The following ZNF862 variants were observed in gnomAD, a reference collection of about 807,000 sequenced individuals.
ZNF862 encodes the protein zinc finger protein 862.
In ZNF862, 64 loss-of-function variants were observed where a neutral mutation model predicts 91.1. The observed-to-expected ratio is 0.70, with a 90% CI of 0.57 to 0.87. ZNF862 has a LOEUF of 0.87. Among genes scored for constraint, ZNF862 ranks in the 40% least tolerant of loss-of-function variants. The pLI, the probability that ZNF862 is intolerant of heterozygous loss-of-function variation, is 0.00. For synonymous variants in ZNF862, 631 were observed against 618.1 expected (o/e 1.02, Z -0.31); for missense variants, 1,459 against 1,528.0 (o/e 0.95, Z 0.75).
In ZNF862 at chr7:149,859,531, G is replaced by A. The variant is rs367727793; in HGVS notation, c.1222+5G>A. 1 of 1,560,276 alleles carries A rather than the reference G, an allele frequency of 6.4e-7. No homozygotes were observed. The highest frequency in any genetic ancestry group is 8.7e-7 in the Non-Finnish European group (1 of 1,151,316). On this transcript the variant is annotated splice_donor_5th_base_variant and intron_variant, in intron 6 of 7. Transcript: ENST00000223210. Reference sequence around the variant, plus strand: ...GGGGGAAAGGTCGTCCTCCAGGTGAGTGTAAACCTACAGCATTCTGAAGGA... The same window carrying A: ...GGGGGAAAGGTCGTCCTCCAGGTGAATGTAAACCTACAGCATTCTGAAGGA...
chr7:149,850,408 C>T lies in ZNF862; in HGVS notation c.1117+70C>T, dbSNP rs1802030073. On this transcript the variant is annotated intron_variant, in intron 5 of 7. Coordinates refer to ENST00000223210, the MANE Select transcript of ZNF862 (RefSeq NM_001099220.3). This position sits in a 1 kb window ranked among gnomAD's most constrained non-coding sequence, Gnocchi z 4.2. ...GGGAAGCCCACAAGGGGAGCTGTGG[C>T]TTGTGGTTATCTTCCCATTCCTGCC... The T allele has an allele frequency of 1.3e-6, 2 of 1,497,384 alleles. No homozygotes were observed. Among genetic ancestry groups the T allele is most frequent in the African/African-American group, 1.4e-5 (1 of 72,562 alleles). 92.8% of individuals were successfully genotyped at this position (1,497,384 alleles called of 1,614,324 possible).
At chr7:149,846,849 A>G (rs771013102) in intron 3 of ZNF862, among the ~76,000 whole-genome samples, 2 of 152,242 alleles carry the variant, frequency 1.3e-5, no homozygotes, top group African/African-American at 2.4e-5. Context: ...AAAGAGCTCT[A>G]GACAGCTTTG....
intron 7 of ZNF862, 122 bp downstream of exon 7, chr7:149,862,616 G>C: frequency 9.0e-7 from 1 of 1,116,726 alleles, no homozygotes; most frequent in Non-Finnish European, 1.2e-6. Context: ...AGGCCAGTGG[G>C]TACTCGATGC....
chr7:149,861,917 G>C lies in ZNF862; in HGVS notation c.2757G>C (p.Ala919=). 1 of 1,613,710 alleles carries C rather than the reference G, an allele frequency of 6.2e-7. No homozygotes were observed. The highest frequency in any genetic ancestry group is 8.5e-7 in the Non-Finnish European group (1 of 1,179,878). ...KLEVAEQRFQ[A]DRERTVLTGI... The stretch of plus-strand genomic sequence containing the variant: ...AGGTAGCGGAACAGCGGTTCCAGGC[G>C]GATAGGGAGAGGACAGTCCTGACGG... Residue 919 remains alanine, a synonymous_variant, in exon 7 of 8, where the codon GCG becomes GCC. Transcript: ENST00000223210. This position sits in a 1 kb window ranked among gnomAD's most constrained non-coding sequence, Gnocchi z 6.7.
rs966598587 is a variant in ZNF862 at position 149,857,885 on chromosome 7, T to C, written c.1118-1537T>C. 3.3e-5 allele frequency among the ~76,000 whole-genome samples: 5 copies of C among 152,174 alleles called. No individual in the cohort carries two copies. In the East Asian group the frequency reaches 5.8e-4, roughly 18 times the overall value. ...GTCGAGCAGTGCACCCCTTGGTCCATAGACATGACTCGATCTCCCTGCTTT... is the reference window on the plus strand; with the variant it reads ...GTCGAGCAGTGCACCCCTTGGTCCACAGACATGACTCGATCTCCCTGCTTT... On this transcript the variant is annotated intron_variant, in intron 5 of 7. Coordinates refer to ENST00000223210, the MANE Select transcript of ZNF862 (RefSeq NM_001099220.3).
Position 149,848,101 on chromosome 7 carries a change from T to G in ZNF862, c.608T>G (p.Val203Gly), listed in dbSNP as rs1301262378. 1.2e-6 allele frequency: 2 copies of G among 1,614,072 alleles called. No individual in the cohort carries two copies. Among genetic ancestry groups the G allele is most frequent in the South Asian group, 2.2e-5 (2 of 91,090 alleles). ...AAGAGCAAGGCCCACATGTTCTGTG[T>G]CAATGCCTTGGCAGCGAGGGACCCC... ...HAKSKAHMFC[V>G]NALAARDPIW... Residue 203 changes from valine to glycine, a missense_variant, in exon 4 of 8, where the codon GTC becomes GGC. By Grantham distance (109) the Val-to-Gly change is moderately radical. Transcript: ENST00000223210.
At chr7:149,841,825 A>G (rs1482809195) in intron 1 of ZNF862, 1 of 908,370 alleles carries the variant, frequency 1.1e-6, no homozygotes, top group Non-Finnish European at 1.3e-6. Flanking sequence ...TATTGCACTT[A>G]TATCTTAGTT....
chr7:149,850,104 T>C lies in ZNF862; in HGVS notation c.940-57T>C. Reference sequence around the variant, plus strand: ...AGGGCTTCCAAAGGCCCCAGAAGTGTCACGTGGGAGTCTGGCTCGGCAGGC... The same window carrying C: ...AGGGCTTCCAAAGGCCCCAGAAGTGCCACGTGGGAGTCTGGCTCGGCAGGC... On this transcript the variant is annotated intron_variant, in intron 4 of 7. Coordinates refer to ENST00000223210, the MANE Select transcript of ZNF862 (RefSeq NM_001099220.3). The surrounding 1 kb of genome is among the most constrained non-coding windows in gnomAD (Gnocchi z 4.2). 6.5e-7 allele frequency: 1 copy of C among 1,541,722 alleles called. No individual in the cohort carries two copies. The highest frequency in any genetic ancestry group is 1.2e-5 in the South Asian group (1 of 83,716).
chr7:149,861,701 C>T lies in ZNF862; in HGVS notation c.2541C>T (p.Phe847=). ...AGTTCTGCCACTTCCTGTTGGACTT[C>T]CTGAGCATCTACAGGCCTCTGTCCG... The part of the protein sequence containing the change: ...FVKFCHFLLD[F]LSIYRPLSEV... The change falls in exon 7 of 8, where the codon TTC becomes TTT. Residue 847 remains phenylalanine (F), a synonymous_variant. Transcript: ENST00000223210. The surrounding 1 kb of genome is among the most constrained non-coding windows in gnomAD (Gnocchi z 6.7). 23 of 1,613,098 alleles carry T rather than the reference C, an allele frequency of 1.4e-5. No individual in the cohort carries two copies. Among genetic ancestry groups the T allele is most frequent in the Non-Finnish European group, 1.9e-5 (23 of 1,179,694 alleles).
intron 3 of ZNF862, 131 bp from the exon 4 acceptor site, chr7:149,847,595 GTGTGTGTGT>G (rs1563117833): frequency 4.6e-3 from 14 of 3,028 alleles, no homozygotes; most frequent in East Asian, 0.04. Flanking sequence ...AAATTCAGGT[GTGTGTGTGT>G]GTGTGTGTGT....
At position 149,866,682 on chromosome 7, in the gene ZNF862, T is replaced by A. The variant is rs1460081557; in HGVS notation, c.*2398T>A. On this transcript the variant is annotated 3_prime_UTR_variant, in exon 8 of 8. Coordinates refer to ENST00000223210, the MANE Select transcript of ZNF862 (RefSeq NM_001099220.3). ...TGCAGCGGGGCCACTGAGAATGCTG[T>A]TTGTCATAAAATTTGCACTACCCGA... is the stretch of plus-strand genomic sequence containing the variant. The A allele has an allele frequency of 1.3e-5, 2 of 152,120 alleles. No homozygotes were observed. Among genetic ancestry groups the A allele is most frequent in the Non-Finnish European group, 1.5e-5 (1 of 68,064 alleles). 9.4% of individuals were successfully genotyped at this position (152,120 alleles called of 1,614,324 possible). A position where few individuals can be genotyped will look rare whatever the true frequency, so the allele number is the denominator to read the frequency against.
intron 7 of ZNF862, among the ~76,000 whole-genome samples, chr7:149,863,342 GCT>G (rs1464672092): frequency 7.0e-6 from 1 of 142,698 alleles, no homozygotes; most frequent in Admixed American, 6.8e-5. Context: ...TGCTCCCAGT[GCT>G]CTCTCTCCTC....
At position 149,865,043 on chromosome 7, in the gene ZNF862, G is replaced by A. The variant is rs1036528789; in HGVS notation, c.*759G>A. Reference sequence around the variant, plus strand: ...ACGAAGTTGGAGTTGGGAGGCTTGGGATGCAGCCCCAGCTCTGCTGCAGGC... The same window carrying A: ...ACGAAGTTGGAGTTGGGAGGCTTGGAATGCAGCCCCAGCTCTGCTGCAGGC... On this transcript the variant is annotated 3_prime_UTR_variant, in exon 8 of 8. Coordinates refer to ENST00000223210, the MANE Select transcript of ZNF862 (RefSeq NM_001099220.3). 1 of 152,340 alleles carries A rather than the reference G, an allele frequency of 6.6e-6. No individual in the cohort carries two copies. 9.4% of individuals were successfully genotyped at this position (152,340 alleles called of 1,614,324 possible).
At position 149,860,858 on chromosome 7, in the gene ZNF862, A is replaced by G; in HGVS notation, c.1698A>G (p.Ala566=). 2 of 1,613,650 alleles carry G rather than the reference A, an allele frequency of 1.2e-6. No individual in the cohort carries two copies. The highest frequency in any genetic ancestry group is 2.2e-5 in the East Asian group (1 of 44,872). ...EHFFNAAYSI[A]YHSRPLNDFE... ...TTTTCAATGCCGCCTACTCCATTGC[A>G]TACCACTCAAGGCCCCTGAATGACT... is the stretch of plus-strand genomic sequence containing the variant. The change falls in exon 7 of 8, where the codon GCA becomes GCG. Residue 566 remains alanine, a synonymous_variant. Coordinates refer to ENST00000223210, the MANE Select transcript of ZNF862 (RefSeq NM_001099220.3).
Position 149,861,575 on chromosome 7 carries a change from C to T in ZNF862, c.2415C>T (p.Pro805=), listed in dbSNP as rs140689706. ...TGCACGCGCTGCTCGTGAGCTGGCC[C>T]GCCCTGGCCAGGCACCTCCAGAGGG... ...RTLHALLVSW[P]ALARHLQRVA... is the part of the protein sequence containing the mutation. Residue 805 remains proline (P), a synonymous_variant, in exon 7 of 8, where the codon CCC becomes CCT. Coordinates refer to ENST00000223210, the MANE Select transcript of ZNF862 (RefSeq NM_001099220.3). The surrounding 1 kb of genome is among the most constrained non-coding windows in gnomAD (Gnocchi z 6.7). The T allele has an allele frequency of 4.0e-3, 6,424 of 1,595,094 alleles. 19 individuals are homozygous for T. The highest frequency in any genetic ancestry group is 4.7e-3 in the Non-Finnish European group (5,529 of 1,172,916).
intron 5 of ZNF862, chr7:149,852,410 C>T (rs1372891475): frequency 6.7e-6 from 1 of 149,172 alleles, no homozygotes; most frequent in African/African-American, 2.5e-5. Context: ...ACTCTGTCAC[C>T]CAGGCTGGAG....
intron 4 of ZNF862, 56 bp downstream of exon 4, chr7:149,848,488 C>T (rs1044454721): frequency 3.3e-5 from 44 of 1,322,914 alleles, no homozygotes; most frequent in Middle Eastern, 4.0e-4. Context: ...ATACTGAGAA[C>T]GATGTATATC....
rs1802032818 is a variant in ZNF862 at position 149,850,458 on chromosome 7, C to T, written c.1117+120C>T. On this transcript the variant is annotated intron_variant, in intron 5 of 7. Coordinates refer to ENST00000223210, the MANE Select transcript of ZNF862 (RefSeq NM_001099220.3). The surrounding 1 kb of genome is among the most constrained non-coding windows in gnomAD (Gnocchi z 4.2). ...CCCCTCCCTGTGTGTAGGCAGAGACCGATCCTGTCTTTTGCACCTCATAAC... is the reference window on the plus strand; with the variant it reads ...CCCCTCCCTGTGTGTAGGCAGAGACTGATCCTGTCTTTTGCACCTCATAAC... 2.0e-5 allele frequency: 21 copies of T among 1,076,578 alleles called. No homozygotes were observed. Among genetic ancestry groups the T allele is most frequent in the South Asian group, 1.5e-4 (9 of 60,870 alleles). 66.7% of individuals were successfully genotyped at this position (1,076,578 alleles called of 1,614,324 possible).
Position 149,847,783 on chromosome 7 carries a change from C to T in ZNF862, c.290C>T (p.Thr97Ile). ...GGAGAAATGGAGGTGCAAGGTCCCA[C>T]CAGGGAGAGTGGACAGTCCCTCCCG... The part of the protein sequence containing the change: ...YMGEMEVQGP[T>I]RESGQSLPPQ... Residue 97 changes from threonine (T) to isoleucine (I), a missense_variant, in exon 4 of 8, where the codon ACC (threonine) becomes ATC (isoleucine). Thr to Ile is a moderately conservative substitution (Grantham distance 89). Transcript: ENST00000223210. The T allele has an allele frequency of 6.2e-7, 1 of 1,613,880 alleles. No homozygotes were observed.
Sources: allele counts gnomAD v4.1 joint callset (sites outside exome capture counted in the v4.1 genomes callset), GRCh38; gene constraint gnomAD v4.1.1; non-coding constraint Gnocchi (gnomAD v3.1); transcripts MANE v1.5; gene names NCBI Gene and HGNC (gene_info 2026-07-23, HGNC 2026-07-21).